Variants in MACROD2 observed in about 807,000 individuals in gnomAD.
MACROD2 encodes mono-ADP ribosylhydrolase 2, also known as ADP-ribose glycohydrolase MACROD2.
In MACROD2, 36 loss-of-function variants were observed where a neutral mutation model predicts 70.4. The observed-to-expected ratio is 0.51, with a 90% CI of 0.39 to 0.68. MACROD2 has a LOEUF of 0.68. Ranked by LOEUF, MACROD2 falls within the 30% of genes least tolerant of loss-of-function variation. The pLI is 0.00. For missense variants in MACROD2, 496 were observed against 538.4 expected (o/e 0.92, Z 0.78); for synonymous variants, 172 against 178.8 (o/e 0.96, Z 0.30).
At chr20:15,633,066 A>G (rs1342975370) in intron 8 of MACROD2, among the ~76,000 whole-genome samples, 1 of 152,144 alleles carries the variant, frequency 6.6e-6, no homozygotes, top group Non-Finnish European at 1.5e-5. Context: ...ATAGATTGTG[A>G]AGACTAGAGT....
Position 15,097,253 on chromosome 20 carries a change from A to G in MACROD2, c.419-132687A>G, listed in dbSNP as rs149698095. The stretch of plus-strand genomic sequence containing the variant: ...GCAAAATTTGGCCTTGGCATTGCCC[A>G]AAGTGTGGTATTTTGCATTGTACTA... On this transcript the variant is annotated intron_variant, in intron 5 of 17. Coordinates refer to ENST00000684519, the MANE Select transcript of MACROD2 (RefSeq NM_001351661.2). 2.8e-3 allele frequency among the ~76,000 whole-genome samples: 431 copies of G among 152,314 alleles called. 3 individuals carry two copies. The highest frequency in any genetic ancestry group is 2.8e-3 in the Non-Finnish European group (192 of 68,018).
chr20:15,144,849 T>C (rs1252073690), intron 5 of MACROD2, among the ~76,000 whole-genome samples: 5 of 152,172 alleles, frequency 3.3e-5, no homozygotes, highest in Non-Finnish European at 5.9e-5. Flanking sequence ...TTCTGTTCTA[T>C]AGTACTTACT....
chr20:15,389,726 G>C (rs933471104), intron 6 of MACROD2, among the ~76,000 whole-genome samples: 2 of 152,118 alleles, frequency 1.3e-5, no homozygotes, highest in African/African-American at 4.8e-5. Context: ...TTTTGTAATT[G>C]ATGATAAGGT....
chr20:15,958,230 T>A (rs961854353), intron 12 of MACROD2, among the ~76,000 whole-genome samples: 1 of 152,154 alleles, frequency 6.6e-6, no homozygotes, highest in Non-Finnish European at 1.5e-5. Flanking sequence ...TACTGAAACA[T>A]TTACATAGTG....
At chr20:15,662,926 T>G (rs2049842093) in intron 8 of MACROD2, among the ~76,000 whole-genome samples, 1 of 152,208 alleles carries the variant, frequency 6.6e-6, no homozygotes, top group Non-Finnish European at 1.5e-5. Context: ...TGTAATTCTT[T>G]TATACAAGTG....
intron 4 of MACROD2, among the ~76,000 whole-genome samples, chr20:14,571,499 C>T (rs189574710): frequency 6.6e-5 from 10 of 152,036 alleles, no homozygotes; most frequent in Admixed American, 5.3e-4. Flanking sequence ...AATCTATTTC[C>T]CCAGTCATTA....
chr20:15,290,584 C>G (rs1349431186), intron 6 of MACROD2, among the ~76,000 whole-genome samples: 1 of 152,160 alleles, frequency 6.6e-6, no homozygotes, highest in Non-Finnish European at 1.5e-5. Context: ...AACATTGTAA[C>G]AACTTCTTTT....
chr20:15,429,928 C>A (rs1423117347), intron 6 of MACROD2, among the ~76,000 whole-genome samples: 3 of 152,028 alleles, frequency 2.0e-5, no homozygotes, highest in Non-Finnish European at 4.4e-5. Flanking sequence ...CCCCTTGCCT[C>A]CTTCCACCTT....
At chr20:14,096,826 T>C (rs2054233818) in intron 3 of MACROD2, among the ~76,000 whole-genome samples, 1 of 152,180 alleles carries the variant, frequency 6.6e-6, no homozygotes, top group Non-Finnish European at 1.5e-5. Flanking sequence ...CTACTAATCT[T>C]TGGCCTCCTG....
intron 7 of MACROD2, among the ~76,000 whole-genome samples, chr20:15,497,821 T>C: frequency 6.6e-6 from 1 of 152,200 alleles, no homozygotes; most frequent in East Asian, 1.9e-4. Flanking sequence ...ATACCCCTAA[T>C]ACACTTGTCA....
chr20:14,696,661 T>C (rs1243853941), intron 5 of MACROD2, among the ~76,000 whole-genome samples: 1 of 152,188 alleles, frequency 6.6e-6, no homozygotes. Context: ...TCTCTCTGTG[T>C]GTTTATTCTG....
At chr20:15,413,458 C>G (rs977149916) in intron 6 of MACROD2, among the ~76,000 whole-genome samples, 1 of 152,150 alleles carries the variant, frequency 6.6e-6, no homozygotes, top group Admixed American at 6.6e-5. Flanking sequence ...TTAAGGATGA[C>G]TTCATCTTAC....
chr20:14,326,109 G>T lies in MACROD2; in HGVS notation c.272-167370G>T, dbSNP rs1568557698. 3 of 1,613,854 alleles carry T rather than the reference G, an allele frequency of 1.9e-6. No homozygotes were observed. Among genetic ancestry groups the T allele is most frequent in the Non-Finnish European group, 2.5e-6 (3 of 1,179,848 alleles). On this transcript the variant is annotated intron_variant, in intron 3 of 17. Transcript: ENST00000684519. The surrounding 1 kb of genome is among the most constrained non-coding windows in gnomAD (Gnocchi z 5.5). ...AGGGTGAATCAGGCTCCAGGGCTGT[G>T]ACCAAGTACTCACTGCGTTCCCCTG...
chr20:14,803,982 T>C (rs1428687333), intron 5 of MACROD2, among the ~76,000 whole-genome samples: 1 of 152,104 alleles, frequency 6.6e-6, no homozygotes, highest in African/African-American at 2.4e-5. Context: ...TTTATAATTT[T>C]ACGTCATAAG....
intron 4 of MACROD2, among the ~76,000 whole-genome samples, chr20:14,516,426 T>C (rs1368414087): frequency 6.6e-6 from 1 of 152,232 alleles, no homozygotes; most frequent in Non-Finnish European, 1.5e-5. Flanking sequence ...AGGGTTTTTA[T>C]GGTTTTAGGT....
At chr20:15,933,205 A>C in intron 10 of MACROD2, 71 bp from the exon 11 acceptor site, 1 of 1,431,854 alleles carries the variant, frequency 7.0e-7, no homozygotes, top group Non-Finnish European at 9.8e-7. Flanking sequence ...TCAGTGCTGC[A>C]TATTAGCCGT....
chr20:14,865,058 C>G (rs2073413763), intron 5 of MACROD2, among the ~76,000 whole-genome samples: 1 of 152,006 alleles, frequency 6.6e-6, no homozygotes, highest in African/African-American at 2.4e-5. Context: ...GGTTTGTGTC[C>G]ATTCTTGTCT....
At chr20:14,677,382 C>G (rs144853830) in intron 4 of MACROD2, among the ~76,000 whole-genome samples, 1 of 152,188 alleles carries the variant, frequency 6.6e-6, no homozygotes, top group African/African-American at 2.4e-5. Context: ...CGCTCTCAGA[C>G]AGTGGAATTC....
intron 7 of MACROD2, among the ~76,000 whole-genome samples, chr20:15,479,564 C>T (rs1303105074): frequency 3.3e-5 from 5 of 152,270 alleles, no homozygotes; most frequent in African/African-American, 4.8e-5. Context: ...TGAGCCACCG[C>T]GCCCGGCCTA....
Sources: allele counts gnomAD v4.1 joint callset (sites outside exome capture counted in the v4.1 genomes callset), GRCh38; gene constraint gnomAD v4.1.1; non-coding constraint Gnocchi (gnomAD v3.1); transcripts MANE v1.5; gene names NCBI Gene and HGNC (gene_info 2026-07-23, HGNC 2026-07-21).